The following PAK5 variants were observed in gnomAD, a reference collection of about 807,000 sequenced individuals.
PAK5 encodes the protein serine/threonine-protein kinase PAK 5.
Under a neutral mutation model 65.9 loss-of-function variants are expected in PAK5, and 16 were observed. The ratio of observed to expected loss-of-function variants is 0.24; its 90% confidence interval spans 0.16 to 0.37. The LOEUF (loss-of-function observed/expected upper bound fraction) is 0.37. Among genes scored for constraint, PAK5 ranks in the 10% least tolerant of loss-of-function variants. PAK5 has a pLI of 1.00. For missense variants in PAK5, 785 were observed against 903.9 expected, an observed-to-expected ratio of 0.87 and a Z score of 1.69; for synonymous variants, 371 against 354.9, an observed-to-expected ratio of 1.05 and a Z score of -0.51.
intron 2 of PAK5, among the ~76,000 whole-genome samples, chr20:9,661,971 G>A (rs1026749357): frequency 6.6e-6 from 1 of 151,988 alleles, no homozygotes; most frequent in African/African-American, 2.4e-5. Context: ...GCTCTTCTCT[G>A]GACAATAGCT....
chr20:9,612,029 A>C (rs6039524), intron 3 of PAK5, among the ~76,000 whole-genome samples: 96,514 of 152,056 alleles, frequency 0.63, 32,744 homozygotes, highest in African/African-American at 0.89. Flanking sequence ...TTTGCAGGCA[A>C]AACAATGTCA....
chr20:9,591,634 C>T (rs890726730), intron 3 of PAK5, among the ~76,000 whole-genome samples: 3 of 151,618 alleles, frequency 2.0e-5, no homozygotes, highest in Non-Finnish European at 4.4e-5. Context: ...AATGTAATAA[C>T]TAATAAAACA....
At chr20:9,780,743 T>C (rs1319236497) in intron 1 of PAK5, among the ~76,000 whole-genome samples, 1 of 152,192 alleles carries the variant, frequency 6.6e-6, no homozygotes, top group Non-Finnish European at 1.5e-5. Context: ...AGTAGTTTGC[T>C]ATGAGTAAAT....
chr20:9,627,389 G>A (rs377304873), intron 3 of PAK5, among the ~76,000 whole-genome samples: 5 of 152,316 alleles, frequency 3.3e-5, no homozygotes, highest in African/African-American at 7.2e-5. Flanking sequence ...GTCCTGCAAA[G>A]ATGCTGCTGA....
chr20:9,805,522 A>G (rs1371991875), intron 1 of PAK5, among the ~76,000 whole-genome samples: 1 of 152,216 alleles, frequency 6.6e-6, no homozygotes, highest in Non-Finnish European at 1.5e-5. Flanking sequence ...TATTCACACA[A>G]TGGAATATTG....
chr20:9,664,284 C>T (rs1240483735), intron 2 of PAK5, among the ~76,000 whole-genome samples: 1 of 152,120 alleles, frequency 6.6e-6, no homozygotes, highest in Non-Finnish European at 1.5e-5. Flanking sequence ...TTCCTTTTCT[C>T]CCTAAACTGT....
At chr20:9,725,198 C>A (rs2048262244) in intron 1 of PAK5, among the ~76,000 whole-genome samples, 1 of 152,000 alleles carries the variant, frequency 6.6e-6, no homozygotes, top group Non-Finnish European at 1.5e-5. Context: ...ATAAGCCCTG[C>A]AACATGGGTG....
At chr20:9,602,447 G>A (rs1388605545) in intron 3 of PAK5, among the ~76,000 whole-genome samples, 2 of 152,136 alleles carry the variant, frequency 1.3e-5, no homozygotes, top group Non-Finnish European at 2.9e-5. Context: ...TATTCAGGTG[G>A]AGCACAGCCC....
At chr20:9,772,414 T>A (rs1223033291) in intron 1 of PAK5, among the ~76,000 whole-genome samples, 1 of 151,808 alleles carries the variant, frequency 6.6e-6, no homozygotes, top group Non-Finnish European at 1.5e-5. Flanking sequence ...TTTGCAGGAG[T>A]CTCTAGACCA....
At chr20:9,772,771 C>T (rs2048848287) in intron 1 of PAK5, among the ~76,000 whole-genome samples, 1 of 152,234 alleles carries the variant, frequency 6.6e-6, no homozygotes, top group South Asian at 2.1e-4. Context: ...CCAGCAGAGA[C>T]TTTCCTCCTA....
rs1419990723 is a variant in PAK5 at position 9,753,308 on chromosome 20, A to G, written c.-161-41873T>C. ...TTATAAAAGTGCAATACCCTACTCA[A>G]GAAAGTTTGCATTTGTTTTTTTGAT... is the stretch of plus-strand genomic sequence containing the variant. On this transcript the variant is annotated intron_variant, in intron 1 of 9. Transcript: ENST00000353224. 3.3e-5 allele frequency among the ~76,000 whole-genome samples: 5 copies of G among 152,174 alleles called. No individual in the cohort carries two copies. In the East Asian group the frequency reaches 9.6e-4, roughly 29 times the overall value.
chr20:9,561,223 A>G lies in PAK5; in HGVS notation c.1616+1668T>C, dbSNP rs115786740. ...AAAATTAGAAAAGAAAATGGATTTT[A>G]GGGACAGACTGTCTTGAGTGGTTTC... On this transcript the variant is annotated intron_variant, in intron 6 of 9. Coordinates refer to ENST00000353224, the MANE Select transcript of PAK5 (RefSeq NM_177990.4). Among the ~76,000 whole-genome samples, 803 of 152,296 alleles carry G rather than the reference A, an allele frequency of 5.3e-3. 6 individuals are homozygous for G. Among genetic ancestry groups the G allele is most frequent in the African/African-American group, 0.018 (758 of 41,552 alleles).
At chr20:9,791,730 T>C (rs1432163783) in intron 1 of PAK5, among the ~76,000 whole-genome samples, 1 of 152,120 alleles carries the variant, frequency 6.6e-6, no homozygotes. Flanking sequence ...CTAAGGCCAA[T>C]GGGCTGGTGA....
chr20:9,828,797 T>A (rs1978482468), intron 1 of PAK5, among the ~76,000 whole-genome samples: 1 of 152,196 alleles, frequency 6.6e-6, no homozygotes. Flanking sequence ...CTAACAGAGA[T>A]CTTATATTTG....
intron 1 of PAK5, among the ~76,000 whole-genome samples, chr20:9,736,853 C>A (rs1479032644): frequency 6.6e-6 from 1 of 152,124 alleles, no homozygotes; most frequent in Non-Finnish European, 1.5e-5. Context: ...GACACTATAA[C>A]ACATCATAAT....
At chr20:9,835,095 A>G (rs1979037455) in intron 1 of PAK5, among the ~76,000 whole-genome samples, 1 of 152,220 alleles carries the variant, frequency 6.6e-6, no homozygotes, top group Non-Finnish European at 1.5e-5. Flanking sequence ...TCTATACTAG[A>G]AAAGAAAAAC....
At chr20:9,665,272 T>C (rs2047401601) in intron 2 of PAK5, among the ~76,000 whole-genome samples, 1 of 151,898 alleles carries the variant, frequency 6.6e-6, no homozygotes, top group Admixed American at 6.6e-5. Flanking sequence ...GTATCAGTTA[T>C]TAAAATGCTG....
intron 1 of PAK5, among the ~76,000 whole-genome samples, chr20:9,772,098 T>A (rs1278691376): frequency 6.6e-6 from 1 of 152,200 alleles, no homozygotes; most frequent in East Asian, 1.9e-4. Flanking sequence ...TCTTATTTTA[T>A]CAAGAAAATG....
At chr20:9,646,179 G>T (rs958071763) in intron 2 of PAK5, among the ~76,000 whole-genome samples, 13 of 152,228 alleles carry the variant, frequency 8.5e-5, no homozygotes, top group African/African-American at 3.1e-4. Flanking sequence ...TTCATCCTCT[G>T]TTAAAACTGT....
Sources: allele counts gnomAD v4.1 joint callset (sites outside exome capture counted in the v4.1 genomes callset), GRCh38; gene constraint gnomAD v4.1.1; transcripts MANE v1.5; gene names NCBI Gene and HGNC (gene_info 2026-07-23, HGNC 2026-07-21).